DGKG: variants seen among roughly 807,000 people sequenced by gnomAD.
DGKG encodes the protein diacylglycerol kinase gamma.
Under a neutral mutation model 105.3 loss-of-function variants are expected in DGKG, and 78 were observed. That is an observed-to-expected ratio of 0.74 (90% CI 0.62 to 0.89). The LOEUF (loss-of-function observed/expected upper bound fraction) is 0.89, where lower values mean the gene tolerates loss of function less well. Among genes scored for constraint, DGKG ranks in the 40% least tolerant of loss-of-function variants. The pLI, the probability that DGKG is intolerant of heterozygous loss-of-function variation, is 0.00. For synonymous variants in DGKG, 346 were observed against 367.1 expected (o/e 0.94, Z 0.66); for missense variants, 958 against 1,020.1 (o/e 0.94, Z 0.83).
intron 1 of DGKG, among the ~76,000 whole-genome samples, chr3:186,330,311 T>C (rs1425076086): frequency 6.6e-6 from 1 of 152,234 alleles, no homozygotes; most frequent in Non-Finnish European, 1.5e-5. Flanking sequence ...TGATAGTATT[T>C]TGTAAGTTAC....
chr3:186,194,914 G>A (rs1718103811), intron 21 of DGKG, among the ~76,000 whole-genome samples: 1 of 151,284 alleles, frequency 6.6e-6, no homozygotes, highest in African/African-American at 2.4e-5. Flanking sequence ...AACCAGCCTG[G>A]CCAACATGGC....
chr3:186,275,222 T>A (rs921935943), intron 10 of DGKG, among the ~76,000 whole-genome samples: 1 of 152,214 alleles, frequency 6.6e-6, no homozygotes, highest in African/African-American at 2.4e-5. Context: ...CCTCTGAACA[T>A]ACCCAGAATA....
chr3:186,300,382 C>T (rs180681114), intron 3 of DGKG, among the ~76,000 whole-genome samples: 9 of 152,316 alleles, frequency 5.9e-5, no homozygotes, highest in East Asian at 1.9e-4. Flanking sequence ...TAGCCCATTA[C>T]CTCTGAAACT....
intron 5 of DGKG, among the ~76,000 whole-genome samples, chr3:186,289,460 G>A (rs542456375): frequency 1.3e-5 from 2 of 152,282 alleles, no homozygotes; most frequent in African/African-American, 4.8e-5. Context: ...CCACAAGAAT[G>A]GGGTAAGTTT....
chr3:186,258,735 T>G (rs1721601721), intron 16 of DGKG, among the ~76,000 whole-genome samples: 1 of 152,184 alleles, frequency 6.6e-6, no homozygotes, highest in African/African-American at 2.4e-5. Context: ...GTCTTCCTAT[T>G]TGACGTATTG....
chr3:186,202,935 C>T (rs1008624125), intron 21 of DGKG, among the ~76,000 whole-genome samples: 7 of 151,404 alleles, frequency 4.6e-5, no homozygotes, highest in African/African-American at 1.7e-4. Context: ...AGTCTGAAGA[C>T]AAAAGAAAAT....
chr3:186,188,776 A>G (rs1468172012), intron 21 of DGKG, among the ~76,000 whole-genome samples: 2 of 152,216 alleles, frequency 1.3e-5, no homozygotes, highest in African/African-American at 4.8e-5. Context: ...AACAAATGAC[A>G]GAAAATTCAG....
intron 8 of DGKG, among the ~76,000 whole-genome samples, 188 bp downstream of exon 8, chr3:186,280,482 G>A (rs768927174): frequency 3.9e-5 from 6 of 152,166 alleles, no homozygotes; most frequent in African/African-American, 1.2e-4. Context: ...ATGTCTGCAC[G>A]TTTTCCTGCT....
chr3:186,274,955 A>C (rs1722508840), intron 10 of DGKG, among the ~76,000 whole-genome samples: 1 of 152,160 alleles, frequency 6.6e-6, no homozygotes, highest in Non-Finnish European at 1.5e-5. Flanking sequence ...TCCTTGAGGA[A>C]TCGCCACACT....
At chr3:186,167,396 C>A (rs1470733230) in intron 22 of DGKG, among the ~76,000 whole-genome samples, 1 of 152,182 alleles carries the variant, frequency 6.6e-6, no homozygotes, top group African/African-American at 2.4e-5. Context: ...AGTTATAAGA[C>A]CACAAGACCC....
intron 20 of DGKG, among the ~76,000 whole-genome samples, chr3:186,218,502 GAAAA>G (rs10692822): frequency 1.4e-5 from 1 of 70,380 alleles, no homozygotes; most frequent in Non-Finnish European, 2.4e-5. Context: ...GACTCCGTCT[GAAAA>G]AAAAAAAAAA....
At chr3:186,308,150 C>G (rs9882420) in intron 2 of DGKG, among the ~76,000 whole-genome samples, 11,933 of 152,166 alleles carry the variant, frequency 0.078, 1,514 homozygotes, top group African/African-American at 0.27. Context: ...GATAATTCAT[C>G]AAACATGGTG....
chr3:186,321,339 G>A (rs369889810), intron 1 of DGKG, among the ~76,000 whole-genome samples: 1 of 152,202 alleles, frequency 6.6e-6, no homozygotes, highest in Non-Finnish European at 1.5e-5. Context: ...GTCACAACAA[G>A]CATGTAAACA....
intron 22 of DGKG, among the ~76,000 whole-genome samples, chr3:186,184,535 G>C (rs1028274680): frequency 6.6e-6 from 1 of 151,948 alleles, no homozygotes; most frequent in African/African-American, 2.4e-5. Context: ...TTGTAGCTGG[G>C]ATTACAGGCA....
chr3:186,243,403 C>G (rs1042998225), intron 19 of DGKG, among the ~76,000 whole-genome samples: 6 of 152,068 alleles, frequency 3.9e-5, no homozygotes, highest in African/African-American at 1.2e-4. Flanking sequence ...CTCCTGGGCT[C>G]TCCATCCTCT....
intron 11 of DGKG, among the ~76,000 whole-genome samples, chr3:186,270,104 C>A (rs1722249497): frequency 6.7e-6 from 1 of 149,666 alleles, no homozygotes; most frequent in Non-Finnish European, 1.5e-5. Context: ...CTGCGTGATT[C>A]TGTCCAGGTT....
At chr3:186,351,986 C>T (rs1467382675) in intron 1 of DGKG, among the ~76,000 whole-genome samples, 6 of 152,222 alleles carry the variant, frequency 3.9e-5, no homozygotes, top group South Asian at 4.2e-4. Flanking sequence ...CACTGGGAGA[C>T]GTAAAAAAGT....
intron 1 of DGKG, among the ~76,000 whole-genome samples, chr3:186,349,120 G>A (rs1167610241): frequency 6.6e-6 from 1 of 151,356 alleles, no homozygotes; most frequent in African/African-American, 2.4e-5. Context: ...CACTCAGGCT[G>A]GAGTGCCATG....
intron 20 of DGKG, among the ~76,000 whole-genome samples, chr3:186,241,926 C>T (rs1720705379): frequency 6.6e-6 from 1 of 152,174 alleles, no homozygotes; most frequent in South Asian, 2.1e-4. Context: ...GGTGACTTCA[C>T]AGAGTGCCCA....
Sources: allele counts gnomAD v4.1 joint callset (sites outside exome capture counted in the v4.1 genomes callset), GRCh38; gene constraint gnomAD v4.1.1; transcripts MANE v1.5; gene names NCBI Gene and HGNC (gene_info 2026-07-23, HGNC 2026-07-21).